DPP10: variants seen among roughly 807,000 people sequenced by gnomAD.
DPP10 encodes the protein inactive dipeptidyl peptidase 10.
Under a neutral mutation model 120.9 loss-of-function variants are expected in DPP10, and 33 were observed. The observed-to-expected ratio is 0.27, with a 90% CI of 0.21 to 0.37. The LOEUF is 0.37. DPP10 is among the 10% of genes least tolerant of loss of function. The pLI is 1.00. For synonymous variants in DPP10, 337 were observed against 326.1 expected, an observed-to-expected ratio of 1.03 and a Z score of -0.36; for missense variants, 816 against 942.8, an observed-to-expected ratio of 0.87 and a Z score of 1.76.
In DPP10 at chr2:115,518,654, A is replaced by G. The variant is rs147257506; in HGVS notation, c.367-7244A>G. 1.5e-3 allele frequency among the ~76,000 whole-genome samples: 227 copies of G among 152,164 alleles called. 1 individual carries two copies. Among genetic ancestry groups the G allele is most frequent in the African/African-American group, 4.8e-3 (200 of 41,556 alleles). On this transcript the variant is annotated intron_variant, in intron 4 of 25. Coordinates refer to ENST00000410059, the MANE Select transcript of DPP10 (RefSeq NM_020868.6). ...TAAAATATGCGTGTTTTAAAATAAT[A>G]ATTATATTATTTTTGTTTATGAAAT...
chr2:114,521,580 A>G (rs1287420264), intron 1 of DPP10, among the ~76,000 whole-genome samples: 1 of 152,134 alleles, frequency 6.6e-6, no homozygotes, highest in African/African-American at 2.4e-5. Context: ...AATTTAAAAT[A>G]TTTGTTAAAA....
chr2:115,496,453 T>C (rs2076400424), intron 3 of DPP10, among the ~76,000 whole-genome samples: 1 of 152,024 alleles, frequency 6.6e-6, no homozygotes, highest in Admixed American at 6.6e-5. Context: ...TTAAGTGTAG[T>C]CTTTATCTTT....
rs11458121 is a variant in DPP10, at chr2:115,337,661, T to TAAAA, written c.176-6133_176-6130dup. Among the ~76,000 whole-genome samples, 67 of 71,688 alleles carry TAAAA rather than the reference T, an allele frequency of 9.3e-4. 1 individual carries two copies. The South Asian group carries it at 0.01, about 11-fold the overall frequency. 47.0% of individuals were successfully genotyped at this position (71,688 alleles called of 152,430 possible). Reference sequence around the variant, plus strand: ...CAATGAGACAGGGGGAGGCTGCTCATAAAAAAAAAAAAAAAAAAAAAAAAA... The same window carrying TAAAA: ...CAATGAGACAGGGGGAGGCTGCTCATAAAAAAAAAAAAAAAAAAAAAAAAAAAAA... On this transcript the variant is annotated intron_variant, in intron 2 of 25. Coordinates refer to ENST00000410059, the MANE Select transcript of DPP10 (RefSeq NM_020868.6).
At chr2:115,328,799 G>A (rs2062519917) in intron 2 of DPP10, among the ~76,000 whole-genome samples, 1 of 152,102 alleles carries the variant, frequency 6.6e-6, no homozygotes, top group South Asian at 2.1e-4. Flanking sequence ...GCTGGATATA[G>A]TGTGATTTAG....
At chr2:115,266,474 A>C (rs777310177) in intron 1 of DPP10, among the ~76,000 whole-genome samples, 5 of 152,308 alleles carry the variant, frequency 3.3e-5, no homozygotes, top group Non-Finnish European at 4.4e-5. Context: ...ATAGTACTTT[A>C]ACTCAAGTGA....
At chr2:114,957,613 A>G (rs1220735200) in intron 1 of DPP10, among the ~76,000 whole-genome samples, 1 of 152,228 alleles carries the variant, frequency 6.6e-6, no homozygotes, top group Non-Finnish European at 1.5e-5. Flanking sequence ...AAAGGAATGG[A>G]AATCAGTATG....
chr2:114,464,050 C>G (rs1353165619), intron 1 of DPP10, among the ~76,000 whole-genome samples: 2 of 152,174 alleles, frequency 1.3e-5, no homozygotes, highest in Non-Finnish European at 2.9e-5. Flanking sequence ...TTCTGGAGAA[C>G]TCGGTTGCTT....
intron 1 of DPP10, among the ~76,000 whole-genome samples, chr2:114,911,897 T>C (rs1358137466): frequency 6.6e-6 from 1 of 152,154 alleles, no homozygotes; most frequent in Non-Finnish European, 1.5e-5. Context: ...CTTAGGAGGC[T>C]GAGAGAGCAG....
intron 1 of DPP10, among the ~76,000 whole-genome samples, chr2:114,689,386 T>A (rs1283012015): frequency 6.6e-6 from 1 of 151,994 alleles, no homozygotes; most frequent in Admixed American, 6.6e-5. Flanking sequence ...TCTAGCTCCA[T>A]CCATGTCCCT....
intron 5 of DPP10, among the ~76,000 whole-genome samples, chr2:115,534,559 C>T (rs1353151066): frequency 2.0e-5 from 3 of 151,910 alleles, no homozygotes; most frequent in South Asian, 2.1e-4. Context: ...TGAATAATGC[C>T]GCAATAAACA....
chr2:115,379,421 C>T (rs1045125128), intron 3 of DPP10, among the ~76,000 whole-genome samples: 4 of 151,990 alleles, frequency 2.6e-5, no homozygotes, highest in Admixed American at 6.6e-5. Flanking sequence ...TTTTTTATTG[C>T]GACTATTTGA....
Position 115,840,781 on chromosome 2 carries a change from A to G in DPP10, c.2214A>G (p.Leu738=), listed in dbSNP as rs779324070. The G allele has an allele frequency of 1.2e-6, 2 of 1,613,858 alleles. No individual in the cohort carries two copies. The highest frequency in any genetic ancestry group is 1.7e-6 in the Non-Finnish European group (2 of 1,179,890). The stretch of plus-strand genomic sequence containing the variant: ...TTCATTTCCAACACTCAGCAGAATT[A>G]ATCAAGCACCTAATAAAAGCTGGAG... ...TKVHFQHSAE[L]IKHLIKAGVN... is the part of the protein sequence containing the mutation. Residue 738 remains leucine, a synonymous_variant, in exon 25 of 26, where the codon TTA becomes TTG. Coordinates refer to ENST00000410059, the MANE Select transcript of DPP10 (RefSeq NM_020868.6).
chr2:115,491,408 T>G (rs1575003980), intron 3 of DPP10, among the ~76,000 whole-genome samples: 1 of 152,120 alleles, frequency 6.6e-6, no homozygotes, highest in Admixed American at 6.6e-5. Flanking sequence ...ACCTGAGAGG[T>G]GCTCCTGGCT....
chr2:114,475,867 A>G (rs756616458), intron 1 of DPP10, among the ~76,000 whole-genome samples: 1 of 152,178 alleles, frequency 6.6e-6, no homozygotes, highest in Non-Finnish European at 1.5e-5. Context: ...GGGTAACTTG[A>G]TAGTGACTAG....
chr2:115,413,734 T>C (rs991679994), intron 3 of DPP10, among the ~76,000 whole-genome samples: 2 of 152,182 alleles, frequency 1.3e-5, no homozygotes, highest in Non-Finnish European at 1.5e-5. Context: ...TAGGCAACTG[T>C]TAAAAGCCTA....
chr2:114,703,749 C>T (rs559537223), intron 1 of DPP10, among the ~76,000 whole-genome samples: 1 of 152,162 alleles, frequency 6.6e-6, no homozygotes, highest in African/African-American at 2.4e-5. Context: ...TGTCTGGTTC[C>T]ATAAAATAGA....
intron 1 of DPP10, among the ~76,000 whole-genome samples, chr2:115,141,263 C>G (rs1242382510): frequency 6.6e-6 from 1 of 152,128 alleles, no homozygotes. Context: ...CAGGTTGTAT[C>G]AGGAGCATTC....
At position 115,067,377 on chromosome 2, in the gene DPP10, G is replaced by A. The variant is rs1488619743; in HGVS notation, c.61-241862G>A. Reference sequence around the variant, plus strand: ...CGCCATTCTCCTGCCTCAGCCTCCCGAGTAGCTGGGACTACAGGCGCCCGC... The same window carrying A: ...CGCCATTCTCCTGCCTCAGCCTCCCAAGTAGCTGGGACTACAGGCGCCCGC... On this transcript the variant is annotated intron_variant, in intron 1 of 25. Transcript: ENST00000410059. Among the ~76,000 whole-genome samples the A allele has an allele frequency of 1.4e-4, 21 of 151,348 alleles. No individual in the cohort carries two copies. In the South Asian group the frequency reaches 3.6e-3, roughly 26 times the overall value.
intron 1 of DPP10, among the ~76,000 whole-genome samples, chr2:114,624,631 C>T (rs1450572425): frequency 1.3e-5 from 2 of 151,762 alleles, no homozygotes; most frequent in African/African-American, 4.8e-5. Flanking sequence ...CTCTGTGGTG[C>T]TTTTCTATAT....
Sources: gnomAD v4.1 joint callset for allele counts (sites outside exome capture counted in the v4.1 genomes callset) on GRCh38, gnomAD v4.1.1 for gene constraint, MANE v1.5 for transcripts, NCBI Gene and HGNC (gene_info 2026-07-23, HGNC 2026-07-21) for gene names.